Variants in AKAP6 observed in about 807,000 individuals in gnomAD.
AKAP6 encodes A-kinase anchoring protein 6, also known as A-kinase anchor protein 6.
In AKAP6, 58 loss-of-function variants were observed where a neutral mutation model predicts 188.5. The observed-to-expected ratio is 0.31, with a 90% CI of 0.25 to 0.38. The LOEUF is 0.38. Ranked by LOEUF, AKAP6 falls within the 10% of genes least tolerant of loss-of-function variation. The pLI, the probability that AKAP6 is intolerant of heterozygous loss-of-function variation, is 1.00. For synonymous variants in AKAP6, 989 were observed against 998.6 expected, an observed-to-expected ratio of 0.99 and a Z score of 0.18; for missense variants, 2,710 against 2,740.0, an observed-to-expected ratio of 0.99 and a Z score of 0.24.
rs755971545 is a variant in AKAP6, at chr14:32,773,810, A to T, written c.3505A>T (p.Asn1169Tyr). 1.2e-6 allele frequency: 2 copies of T among 1,614,134 alleles called. No individual in the cohort carries two copies. Among genetic ancestry groups the T allele is most frequent in the Non-Finnish European group, 1.7e-6 (2 of 1,180,008 alleles). ...CCAGCCCATGCAGCTGATCATTGTA[A>T]ATCTTGAAAGAAGGTGGGAAGCCAT... ...DHQPMQLIIV[N>Y]LERRWEAIVM... The change falls in exon 12 of 14, where the codon AAT becomes TAT. Residue 1169 changes from asparagine to tyrosine, a missense_variant. Coordinates refer to ENST00000280979, the MANE Select transcript of AKAP6 (RefSeq NM_004274.5).
intron 12 of AKAP6, among the ~76,000 whole-genome samples, chr14:32,793,805 T>C (rs2033681769): frequency 6.6e-6 from 1 of 151,536 alleles, no homozygotes; most frequent in Non-Finnish European, 1.5e-5. Flanking sequence ...AAACTGACTA[T>C]CCTAAATATA....
At chr14:32,695,932 T>C (rs1890384593) in intron 8 of AKAP6, 58 bp from the exon 9 acceptor site, 1 of 1,538,936 alleles carries the variant, frequency 6.5e-7, no homozygotes, top group Non-Finnish European at 8.7e-7. Context: ...TATTCTAATA[T>C]AAGATTTTAA....
In AKAP6 at chr14:32,614,769, C is replaced by T. The variant is rs145299092; in HGVS notation, c.2730+13977C>T. ...CCCAGCCAGTGAATCACAGTTAGTCCATGAGGCAACCATAAGGGCTCCCTT... is the reference window on the plus strand; with the variant it reads ...CCCAGCCAGTGAATCACAGTTAGTCTATGAGGCAACCATAAGGGCTCCCTT... On this transcript the variant is annotated intron_variant, in intron 7 of 13. Coordinates refer to ENST00000280979, the MANE Select transcript of AKAP6 (RefSeq NM_004274.5). Among the ~76,000 whole-genome samples the T allele has an allele frequency of 2.5e-3, 373 of 152,188 alleles. 1 individual carries two copies. Among genetic ancestry groups the T allele is most frequent in the African/African-American group, 8.5e-3 (354 of 41,534 alleles).
chr14:32,710,596 C>A (rs766814301), intron 9 of AKAP6, among the ~76,000 whole-genome samples: 4 of 151,820 alleles, frequency 2.6e-5, no homozygotes, highest in Non-Finnish European at 4.4e-5. Flanking sequence ...AACAAGGGTG[C>A]GCAATCACAG....
chr14:32,772,110 G>T (rs1594930692), intron 11 of AKAP6, among the ~76,000 whole-genome samples: 2 of 152,092 alleles, frequency 1.3e-5, no homozygotes, highest in African/African-American at 2.4e-5. Context: ...GAGAGAAAGA[G>T]AACATGCACG....
At chr14:32,671,604 G>C (rs189229213) in intron 7 of AKAP6, among the ~76,000 whole-genome samples, 2 of 152,018 alleles carry the variant, frequency 1.3e-5, no homozygotes, top group East Asian at 3.9e-4. Context: ...GCAATTTTGG[G>C]GGGTGATCAT....
chr14:32,373,956 A>G lies in AKAP6; in HGVS notation c.-35+44548A>G, dbSNP rs186931534. Among the ~76,000 whole-genome samples, 146 of 152,356 alleles carry G rather than the reference A, an allele frequency of 9.6e-4. 4 individuals are homozygous for G. In the East Asian group the frequency reaches 0.023, roughly 24 times the overall value. ...ATGTAACCCATTTGGATTAAATACA[A>G]CAGCTGATATACTTATCCCTGGTTA... On this transcript the variant is annotated intron_variant, in intron 1 of 13. Coordinates refer to ENST00000280979, the MANE Select transcript of AKAP6 (RefSeq NM_004274.5).
At chr14:32,577,060 A>C in intron 4 of AKAP6, 60 bp from the exon 5 acceptor site, 1 of 1,565,356 alleles carries the variant, frequency 6.4e-7, no homozygotes, top group South Asian at 1.2e-5. Flanking sequence ...CTTTTTACAG[A>C]ATAACCAACT....
chr14:32,723,596 G>A (rs1233614325), intron 9 of AKAP6, among the ~76,000 whole-genome samples: 2 of 121,492 alleles, frequency 1.6e-5, no homozygotes, highest in African/African-American at 5.8e-5. Flanking sequence ...TGTGTGTATA[G>A]GCTTTAAAAT....
At chr14:32,819,894 G>C (rs915535227) in intron 12 of AKAP6, among the ~76,000 whole-genome samples, 1 of 152,122 alleles carries the variant, frequency 6.6e-6, no homozygotes, top group Middle Eastern at 3.2e-3. Flanking sequence ...ACTGCAGTGA[G>C]CTGTGATTAC....
chr14:32,394,833 C>T (rs538791218), intron 1 of AKAP6, among the ~76,000 whole-genome samples: 4 of 152,086 alleles, frequency 2.6e-5, no homozygotes, highest in East Asian at 1.9e-4. Context: ...TTATATTAAG[C>T]GCTATATATT....
intron 11 of AKAP6, among the ~76,000 whole-genome samples, chr14:32,739,963 G>A (rs942833802): frequency 2.0e-5 from 3 of 152,036 alleles, no homozygotes; most frequent in African/African-American, 7.2e-5. Flanking sequence ...GTTCCCCATA[G>A]TGGTTGTCCT....
chr14:32,603,135 G>C (rs760651658), intron 7 of AKAP6, among the ~76,000 whole-genome samples: 9 of 152,186 alleles, frequency 5.9e-5, no homozygotes, highest in Middle Eastern at 3.2e-3. Context: ...GTTAGAAAGG[G>C]AGAAGTGTGC....
chr14:32,639,511 T>G (rs1224461900), intron 7 of AKAP6, among the ~76,000 whole-genome samples: 1 of 152,154 alleles, frequency 6.6e-6, no homozygotes, highest in Non-Finnish European at 1.5e-5. Context: ...GTTCATTGAG[T>G]ATCTTCTATG....
At chr14:32,334,311 ATTAC>A (rs1412444194) in intron 1 of AKAP6, among the ~76,000 whole-genome samples, 4 of 152,170 alleles carry the variant, frequency 2.6e-5, no homozygotes, top group African/African-American at 7.2e-5. Flanking sequence ...ATCTCTCACC[ATTAC>A]TGTTCTGTCC....
At position 32,450,075 on chromosome 14, in the gene AKAP6, C is replaced by T. The variant is rs369833921; in HGVS notation, c.324+16258C>T. 1.1e-4 allele frequency among the ~76,000 whole-genome samples: 17 copies of T among 152,140 alleles called. No individual in the cohort carries two copies. In the East Asian group the frequency reaches 1.9e-3, roughly 17 times the overall value. On this transcript the variant is annotated intron_variant, in intron 2 of 13. Coordinates refer to ENST00000280979, the MANE Select transcript of AKAP6 (RefSeq NM_004274.5). The stretch of plus-strand genomic sequence containing the variant: ...TGGAGATGGCAGGCCTAGTTCTGCT[C>T]CTGTTTCTGCTACTTACTAGAAGTT...
At chr14:32,689,266 A>G (rs1225748665) in intron 8 of AKAP6, among the ~76,000 whole-genome samples, 2 of 152,126 alleles carry the variant, frequency 1.3e-5, no homozygotes, top group African/African-American at 4.8e-5. Flanking sequence ...ATCTACACTG[A>G]TGTTTCTAAT....
intron 12 of AKAP6, among the ~76,000 whole-genome samples, chr14:32,815,389 C>A (rs974806454): frequency 6.6e-6 from 1 of 152,150 alleles, no homozygotes; most frequent in African/African-American, 2.4e-5. Context: ...GATTTGATTG[C>A]TCTAATGGGT....
intron 11 of AKAP6, among the ~76,000 whole-genome samples, chr14:32,771,554 C>G (rs187626955): frequency 6.6e-6 from 1 of 151,954 alleles, no homozygotes; most frequent in African/African-American, 2.4e-5. Context: ...AAAAATTTCT[C>G]CTAGCAACCT....
Sources: gnomAD v4.1 joint callset for allele counts (sites outside exome capture counted in the v4.1 genomes callset) on GRCh38, gnomAD v4.1.1 for gene constraint, MANE v1.5 for transcripts, NCBI Gene and HGNC (gene_info 2026-07-23, HGNC 2026-07-21) for gene names.